Variants in BRINP3 observed in about 807,000 individuals in gnomAD.
BRINP3 encodes BMP/retinoic acid inducible neural specific 3.
In BRINP3, 19 loss-of-function variants were observed where a neutral mutation model predicts 71.0. The observed-to-expected ratio is 0.27, with a 90% CI of 0.19 to 0.39. BRINP3 has a LOEUF of 0.39. Ranked by LOEUF, BRINP3 falls within the 10% of genes least tolerant of loss-of-function variation. The pLI is 1.00. For missense variants in BRINP3, 959 were observed against 940.8 expected (o/e 1.02, Z -0.25); for synonymous variants, 380 against 337.7 (o/e 1.13, Z -1.37).
At chr1:190,403,786 T>C (rs1373516625) in intron 2 of BRINP3, among the ~76,000 whole-genome samples, 2 of 152,252 alleles carry the variant, frequency 1.3e-5, no homozygotes, top group Non-Finnish European at 2.9e-5. Context: ...TATTTGACTA[T>C]AATTCCCTTT....
intron 2 of BRINP3, 95 bp downstream of exon 2, chr1:190,454,560 C>A (rs2102628054): frequency 1.1e-6 from 1 of 949,688 alleles, no homozygotes; most frequent in Non-Finnish European, 1.6e-6. Context: ...TCTGATAATA[C>A]CTTTTTCCCG....
chr1:190,305,979 C>T lies in BRINP3; in HGVS notation c.237-24229G>A, dbSNP rs1571696506. On this transcript the variant is annotated intron_variant, in intron 2 of 7. Transcript: ENST00000367462. ...TATACTATATGTCCTATCACATGCA[C>T]ATACTTATAACAATAAAATATTGTT... Among the ~76,000 whole-genome samples the T allele has an allele frequency of 2.0e-5, 3 of 151,716 alleles. No homozygotes were observed. In the East Asian group the frequency reaches 5.8e-4, roughly 29 times the overall value.
chr1:190,249,833 C>G (rs1263628443), intron 4 of BRINP3, among the ~76,000 whole-genome samples: 1 of 151,666 alleles, frequency 6.6e-6, no homozygotes, highest in Non-Finnish European at 1.5e-5. Flanking sequence ...ATATAGTCAA[C>G]AGTATTATTA....
At chr1:190,248,839 T>A (rs1235235916) in intron 4 of BRINP3, among the ~76,000 whole-genome samples, 1 of 151,734 alleles carries the variant, frequency 6.6e-6, no homozygotes, top group African/African-American at 2.4e-5. Flanking sequence ...TTTACTTTCA[T>A]CTTATGGTTA....
intron 2 of BRINP3, among the ~76,000 whole-genome samples, chr1:190,434,753 AG>A (rs1356568009): frequency 6.6e-6 from 1 of 152,172 alleles, no homozygotes; most frequent in African/African-American, 2.4e-5. Context: ...AGCACCATGA[AG>A]GTAAAAACTT....
intron 2 of BRINP3, among the ~76,000 whole-genome samples, chr1:190,453,742 T>A (rs1675805863): frequency 6.6e-6 from 1 of 152,142 alleles, no homozygotes; most frequent in Admixed American, 6.5e-5. Flanking sequence ...CAGACAAACA[T>A]GAAGCACAGT....
At chr1:190,152,422 A>C (rs2102426205) in intron 7 of BRINP3, among the ~76,000 whole-genome samples, 2 of 151,898 alleles carry the variant, frequency 1.3e-5, no homozygotes. Flanking sequence ...GATATGGTCC[A>C]AAAAACAACA....
At chr1:190,196,041 G>C (rs1437423205) in intron 6 of BRINP3, among the ~76,000 whole-genome samples, 1 of 152,090 alleles carries the variant, frequency 6.6e-6, no homozygotes, top group Admixed American at 6.6e-5. Context: ...AGATTGTATA[G>C]AAGCTGTCCT....
At chr1:190,203,690 T>C (rs12059561) in intron 6 of BRINP3, among the ~76,000 whole-genome samples, 16,766 of 140,622 alleles carry the variant, frequency 0.12, 1,502 homozygotes, top group East Asian at 0.26. Context: ...AGTAAATACC[T>C]TCTGAGAACT....
chr1:190,208,903 A>G (rs1374810554), intron 6 of BRINP3, among the ~76,000 whole-genome samples: 3 of 151,638 alleles, frequency 2.0e-5, no homozygotes, highest in Non-Finnish European at 2.9e-5. Context: ...CTTTAAAGTA[A>G]AAAAAAATAC....
intron 7 of BRINP3, among the ~76,000 whole-genome samples, chr1:190,145,434 T>C (rs1028795239): frequency 2.6e-5 from 4 of 152,192 alleles, no homozygotes; most frequent in African/African-American, 7.2e-5. Context: ...CTATGCAGTG[T>C]TCTCTTTTGA....
intron 7 of BRINP3, among the ~76,000 whole-genome samples, chr1:190,150,127 C>A (rs1388688928): frequency 6.6e-6 from 1 of 151,990 alleles, no homozygotes; most frequent in East Asian, 1.9e-4. Context: ...ATTTATAAAA[C>A]CATTTTCACT....
chr1:190,376,609 A>C (rs1359812834), intron 2 of BRINP3, among the ~76,000 whole-genome samples: 1 of 152,050 alleles, frequency 6.6e-6, no homozygotes, highest in Admixed American at 6.6e-5. Flanking sequence ...AGTAATTGTT[A>C]ATTTGTTTTG....
At chr1:190,475,713 C>A (rs1480383687) in intron 1 of BRINP3, 1 of 152,214 alleles carries the variant, frequency 6.6e-6, no homozygotes, top group African/African-American at 2.4e-5. Context: ...GCAGCGGGAG[C>A]CCCTCAGATG....
intron 6 of BRINP3, among the ~76,000 whole-genome samples, chr1:190,215,303 C>T (rs995480847): frequency 2.0e-5 from 3 of 151,760 alleles, no homozygotes; most frequent in African/African-American, 4.8e-5. Context: ...ATTACTAAAA[C>T]TTAAATGTAG....
chr1:190,117,503 G>A (rs1272817633), intron 7 of BRINP3, among the ~76,000 whole-genome samples: 2 of 151,842 alleles, frequency 1.3e-5, no homozygotes, highest in Admixed American at 1.3e-4. Context: ...CTCAAATATT[G>A]TTTTATATGT....
intron 2 of BRINP3, among the ~76,000 whole-genome samples, chr1:190,282,111 G>GA (rs769205198): frequency 6.6e-6 from 1 of 151,584 alleles, no homozygotes; most frequent in Non-Finnish European, 1.5e-5. Flanking sequence ...AGGTATATTG[G>GA]AAAAAAAGAA....
Position 190,303,780 on chromosome 1 carries a change from T to C in BRINP3, c.237-22030A>G, listed in dbSNP as rs562869296. Among the ~76,000 whole-genome samples, 6 of 151,794 alleles carry C rather than the reference T, an allele frequency of 4.0e-5. No individual in the cohort carries two copies. In the South Asian group the frequency reaches 1.2e-3, roughly 31 times the overall value. ...AATATTCAATTATTAATGTGATATA[T>C]GTGAAAATCTGGCAAATTGGAAAAT... On this transcript the variant is annotated intron_variant, in intron 2 of 7. Coordinates refer to ENST00000367462, the MANE Select transcript of BRINP3 (RefSeq NM_199051.3).
chr1:190,460,064 A>G (rs1449377317), intron 1 of BRINP3, among the ~76,000 whole-genome samples: 1 of 152,028 alleles, frequency 6.6e-6, no homozygotes, highest in Non-Finnish European at 1.5e-5. Flanking sequence ...AGCAAATACT[A>G]CTTTGCTCTA....
Sources: allele counts gnomAD v4.1 joint callset (sites outside exome capture counted in the v4.1 genomes callset), GRCh38; gene constraint gnomAD v4.1.1; transcripts MANE v1.5; gene names NCBI Gene and HGNC (gene_info 2026-07-23, HGNC 2026-07-21).